The following DCDC1 variants were observed in gnomAD, a reference collection of about 807,000 sequenced individuals.
The protein encoded by DCDC1 is doublecortin domain containing 1.
In DCDC1, 200 loss-of-function variants were observed where a neutral mutation model predicts 178.3. The ratio of observed to expected loss-of-function variants is 1.12; its 90% CI spans 1.00 to 1.26. The LOEUF is 1.26. Ranked by LOEUF, DCDC1 falls within the 50% of genes most tolerant of loss-of-function variation. The pLI, the probability that DCDC1 is intolerant of heterozygous loss-of-function variation, is 0.00. For synonymous variants in DCDC1, 690 were observed against 604.8 expected, an observed-to-expected ratio of 1.14 and a Z score of -2.07; for missense variants, 1,983 against 1,749.2, an observed-to-expected ratio of 1.13 and a Z score of -2.38.
At chr11:31,144,335 G>T (rs1381004710) in intron 9 of DCDC1, among the ~76,000 whole-genome samples, 1 of 151,892 alleles carries the variant, frequency 6.6e-6, no homozygotes, top group Non-Finnish European at 1.5e-5. Flanking sequence ...TAGAGACGGG[G>T]TTTCACCATG....
At chr11:31,125,089 A>C (rs1224595091) in intron 11 of DCDC1, among the ~76,000 whole-genome samples, 4 of 152,142 alleles carry the variant, frequency 2.6e-5, no homozygotes, top group Non-Finnish European at 5.9e-5. Flanking sequence ...GCAAGAAAAA[A>C]CAACCCCATT....
At chr11:31,083,013 T>C (rs954122878) in intron 17 of DCDC1, among the ~76,000 whole-genome samples, 1 of 152,240 alleles carries the variant, frequency 6.6e-6, no homozygotes, top group Non-Finnish European at 1.5e-5. Flanking sequence ...GTGTAACCTA[T>C]ATGTGTTAAT....
intron 9 of DCDC1, among the ~76,000 whole-genome samples, chr11:31,217,168 G>C (rs572143855): frequency 2.6e-5 from 4 of 152,122 alleles, no homozygotes; most frequent in South Asian, 2.1e-4. Context: ...ACATTTCACA[G>C]AAGTGTCAAA....
intron 7 of DCDC1, among the ~76,000 whole-genome samples, chr11:31,275,821 G>A (rs1945945504): frequency 6.6e-6 from 1 of 152,280 alleles, no homozygotes; most frequent in South Asian, 2.1e-4. Context: ...ACCTATTGTA[G>A]TCTCACGCCC....
Position 30,888,187 on chromosome 11 carries a change from GAAGA to G in DCDC1, c.5082+4627_5082+4630del, listed in dbSNP as rs753365859. Among the ~76,000 whole-genome samples, 40 of 149,928 alleles carry G rather than the reference GAAGA, an allele frequency of 2.7e-4. 1 individual carries two copies. Among genetic ancestry groups the G allele is most frequent in the South Asian group, 1.3e-3 (6 of 4,718 alleles). The stretch of plus-strand genomic sequence containing the variant: ...GGGAAAGAAAGAAAGAGAAAGGAAG[GAAGA>G]GAGAGAAAGAAAGAGAAACAAGATT... On this transcript the variant is annotated intron_variant, in intron 36 of 38. Transcript: ENST00000684477.
At chr11:30,896,292 T>G (rs1464308316) in intron 34 of DCDC1, among the ~76,000 whole-genome samples, 2 of 152,230 alleles carry the variant, frequency 1.3e-5, no homozygotes, top group African/African-American at 4.8e-5. Flanking sequence ...AGCTAACTAT[T>G]AATGAGGCAT....
At chr11:30,961,368 A>G (rs1243639939) in intron 20 of DCDC1, among the ~76,000 whole-genome samples, 1 of 152,128 alleles carries the variant, frequency 6.6e-6, no homozygotes, top group East Asian at 1.9e-4. Flanking sequence ...ATAAAATTAG[A>G]CAATATATCA....
chr11:30,970,491 CTA>C (rs1402354447), intron 20 of DCDC1, among the ~76,000 whole-genome samples: 1 of 152,184 alleles, frequency 6.6e-6, no homozygotes, highest in Non-Finnish European at 1.5e-5. Context: ...ACCAGCAAAA[CTA>C]TGTACATTTT....
intron 12 of DCDC1, among the ~76,000 whole-genome samples, chr11:31,107,677 T>G (rs1273001517): frequency 6.6e-6 from 1 of 152,198 alleles, no homozygotes; most frequent in Non-Finnish European, 1.5e-5. Context: ...ATATTTCAAA[T>G]ATAAAGTAAA....
At position 30,882,468 on chromosome 11, in the gene DCDC1, G is replaced by T. The variant is rs528291270; in HGVS notation, c.5083-1160C>A. The stretch of plus-strand genomic sequence containing the variant: ...TATATATTTTTTTATCATACTTTAA[G>T]TTCTAGGGTACATGTGCACAATGTG... On this transcript the variant is annotated intron_variant, in intron 36 of 38. Coordinates refer to ENST00000684477, the MANE Select transcript of DCDC1 (RefSeq NM_001387274.1). The T allele has an allele frequency of 2.0e-5, 3 of 151,882 alleles. No individual in the cohort carries two copies. The East Asian group carries it at 5.8e-4, about 29-fold the overall frequency. 9.4% of individuals were successfully genotyped at this position (151,882 alleles called of 1,614,324 possible).
At chr11:31,210,476 G>T (rs1354473305) in intron 9 of DCDC1, among the ~76,000 whole-genome samples, 1 of 152,088 alleles carries the variant, frequency 6.6e-6, no homozygotes, top group East Asian at 1.9e-4. Flanking sequence ...ACTTTGGGAG[G>T]CCGAGGCAGG....
In DCDC1 at chr11:30,927,193, C is replaced by T. The variant is rs114210794; in HGVS notation, c.2898-1785G>A. Among the ~76,000 whole-genome samples, 395 of 152,220 alleles carry T rather than the reference C, an allele frequency of 2.6e-3. 1 individual carries two copies. Among genetic ancestry groups the T allele is most frequent in the African/African-American group, 8.7e-3 (360 of 41,530 alleles). ...CGACAGCTGCCCCTTACAATGTTCT[C>T]TCTCTTTCCTGGTTATATATAAACC... On this transcript the variant is annotated intron_variant, in intron 22 of 38. Coordinates refer to ENST00000684477, the MANE Select transcript of DCDC1 (RefSeq NM_001387274.1).
intron 6 of DCDC1, among the ~76,000 whole-genome samples, chr11:31,295,671 T>C (rs1443990092): frequency 6.6e-6 from 1 of 152,154 alleles, no homozygotes; most frequent in East Asian, 1.9e-4. Context: ...ACACATGTCT[T>C]GGCCATGCTT....
chr11:30,922,162 T>C (rs1027836814), intron 24 of DCDC1, among the ~76,000 whole-genome samples: 4 of 152,152 alleles, frequency 2.6e-5, no homozygotes, highest in Non-Finnish European at 5.9e-5. Flanking sequence ...TAACGTGAGA[T>C]TCTGGAGATA....
intron 9 of DCDC1, among the ~76,000 whole-genome samples, chr11:31,193,673 T>C (rs61878248): frequency 0.073 from 11,036 of 152,080 alleles, 613 homozygotes; most frequent in Non-Finnish European, 0.11. Context: ...AAATGCTCCA[T>C]TGCCCTCTGA....
intron 10 of DCDC1, among the ~76,000 whole-genome samples, chr11:31,135,585 T>G (rs1437284465): frequency 6.6e-6 from 1 of 152,138 alleles, no homozygotes; most frequent in African/African-American, 2.4e-5. Context: ...ACACAGAAAT[T>G]ATCTTCAGAG....
chr11:30,864,906 ATTC>A lies in DCDC1; in HGVS notation c.*464_*466del, dbSNP rs1173997037. 1 of 152,240 alleles carries A rather than the reference ATTC, an allele frequency of 6.6e-6. No homozygotes were observed. The highest frequency in any genetic ancestry group is 2.4e-5 in the African/African-American group (1 of 41,458). The allele number at this position is 152,240 out of a possible 1,614,324, so 9.4% of individuals were successfully genotyped here. On this transcript the variant is annotated 3_prime_UTR_variant, in exon 39 of 39. Coordinates refer to ENST00000684477, the MANE Select transcript of DCDC1 (RefSeq NM_001387274.1). ...TATATTGTCTCATTTTTCAATGTTC[ATTC>A]TTCAAAATAGGCCCATTGAAAAAAC...
chr11:31,325,249 A>G (rs985866260), intron 3 of DCDC1, among the ~76,000 whole-genome samples: 7 of 152,166 alleles, frequency 4.6e-5, no homozygotes, highest in African/African-American at 1.7e-4. Flanking sequence ...GATACCTGTT[A>G]CTAATAAATA....
chr11:31,067,961 C>T (rs890935797), intron 18 of DCDC1, among the ~76,000 whole-genome samples: 2 of 151,894 alleles, frequency 1.3e-5, no homozygotes, highest in East Asian at 1.9e-4. Flanking sequence ...ATGCAAAAAT[C>T]GTGAATATAC....
Sources: allele counts gnomAD v4.1 joint callset (sites outside exome capture counted in the v4.1 genomes callset), GRCh38; gene constraint gnomAD v4.1.1; transcripts MANE v1.5; gene names NCBI Gene and HGNC (gene_info 2026-07-23, HGNC 2026-07-21).